MYO9A: variants seen among roughly 807,000 people sequenced by gnomAD.
MYO9A encodes unconventional myosin-IXa.
Under a neutral mutation model 293.3 loss-of-function variants are expected in MYO9A, and 103 were observed. The ratio of observed to expected loss-of-function variants is 0.35; its 90% confidence interval spans 0.30 to 0.41. The LOEUF is 0.41. MYO9A is among the 10% of genes least tolerant of loss of function. The pLI is 1.00. For missense variants in MYO9A, 2,685 were observed against 3,033.0 expected, an observed-to-expected ratio of 0.89 and a Z score of 2.69; for synonymous variants, 1,001 against 1,035.7, an observed-to-expected ratio of 0.97 and a Z score of 0.64.
chr15:71,834,717 G>C (rs990904881), intron 39 of MYO9A, among the ~76,000 whole-genome samples: 1 of 152,042 alleles, frequency 6.6e-6, no homozygotes, highest in East Asian at 1.9e-4. Flanking sequence ...AGTGAGCCAA[G>C]ATCATGCCAC....
At chr15:72,068,342 G>A (rs570173599) in intron 1 of MYO9A, among the ~76,000 whole-genome samples, 1 of 152,140 alleles carries the variant, frequency 6.6e-6, no homozygotes, top group South Asian at 2.1e-4. Flanking sequence ...ACTGTGCTGT[G>A]TGCTTTATAT....
At chr15:72,073,118 T>C (rs1026907747) in intron 1 of MYO9A, among the ~76,000 whole-genome samples, 2 of 152,224 alleles carry the variant, frequency 1.3e-5, no homozygotes, top group African/African-American at 2.4e-5. Flanking sequence ...TAGGACAGTA[T>C]GGAGATATTA....
chr15:72,047,162 C>G lies in MYO9A; in HGVS notation c.-71-528G>C, dbSNP rs8028115. 1.1e-3 allele frequency among the ~76,000 whole-genome samples: 167 copies of G among 152,008 alleles called. 6 individuals are homozygous for G. The South Asian group carries it at 0.035, about 32-fold the overall frequency. On this transcript the variant is annotated intron_variant, in intron 1 of 41. Transcript: ENST00000356056. ...AAAACCAAGAAAATGATGAGAGAAA[C>G]CAACTAAGGAGATAGACATATATTT...
chr15:71,913,921 A>G (rs981155505), intron 19 of MYO9A, among the ~76,000 whole-genome samples: 2 of 152,034 alleles, frequency 1.3e-5, no homozygotes, highest in Non-Finnish European at 2.9e-5. Context: ...GAACAGAACT[A>G]CTCCTCTAAT....
At chr15:72,110,918 G>C (rs1165624789) in intron 1 of MYO9A, among the ~76,000 whole-genome samples, 1 of 152,158 alleles carries the variant, frequency 6.6e-6, no homozygotes, top group Admixed American at 6.5e-5. Flanking sequence ...CCAGCACTTT[G>C]GGAGGCCGAA....
In MYO9A at chr15:71,951,905, GC is replaced by G; in HGVS notation, c.2183-10del. 4.0e-6 allele frequency: 6 copies of G among 1,511,846 alleles called. No individual in the cohort carries two copies. The highest frequency in any genetic ancestry group is 1.8e-4 in the Middle Eastern group (1 of 5,612). The allele number at this position is 1,511,846 out of a possible 1,614,324, so 93.7% of individuals were successfully genotyped here. ...CGCTGTATCATCATGTCCTTAGGAA[GC>G]AAAAAAAAACAAACAAAAAAAAAAG... On this transcript the variant is annotated splice_polypyrimidine_tract_variant and intron_variant, in intron 14 of 41. Coordinates refer to ENST00000356056, the MANE Select transcript of MYO9A (RefSeq NM_006901.4).
intron 32 of MYO9A, among the ~76,000 whole-genome samples, chr15:71,867,818 A>T (rs1596066986): frequency 1.3e-5 from 2 of 148,690 alleles, no homozygotes; most frequent in Admixed American, 6.7e-5. Flanking sequence ...ACACACACAC[A>T]CACACACACA....
At chr15:71,972,433 G>A (rs146094881) in intron 12 of MYO9A, 18 of 152,260 alleles carry the variant, frequency 1.2e-4, no homozygotes, top group Non-Finnish European at 2.4e-4. Context: ...TGGTTGGTCA[G>A]AAGTTCTGGA....
intron 26 of MYO9A, chr15:71,892,473 G>C (rs1300086070): frequency 1.3e-5 from 2 of 152,200 alleles, no homozygotes; most frequent in African/African-American, 4.8e-5. Flanking sequence ...ACTAAACCAC[G>C]GATCAGTAAA....
rs1427175406 is a variant in MYO9A at position 71,881,877 on chromosome 15, G to T, written c.5399-1319C>A. Among the ~76,000 whole-genome samples, 4 of 152,182 alleles carry T rather than the reference G, an allele frequency of 2.6e-5. No individual in the cohort carries two copies. The East Asian group carries it at 7.7e-4, about 29-fold the overall frequency. On this transcript the variant is annotated intron_variant, in intron 28 of 41. Transcript: ENST00000356056. ...AGAAGGATGACTGTCAACCAGACAAGATATAAGAAACTGATAACCTTAGCC... is the reference window on the plus strand; with the variant it reads ...AGAAGGATGACTGTCAACCAGACAATATATAAGAAACTGATAACCTTAGCC...
intron 26 of MYO9A, chr15:71,893,199 C>T (rs1485613482): frequency 1.6e-6 from 2 of 1,247,894 alleles, no homozygotes; most frequent in African/African-American, 1.6e-5. Context: ...AATGATAAAA[C>T]AAATAACACA....
rs564067893 is a variant in MYO9A, at chr15:71,899,941, A to G, written c.3216T>C (p.Phe1072=). 26 of 1,614,122 alleles carry G rather than the reference A, an allele frequency of 1.6e-5. No homozygotes were observed. In the African/African-American group the frequency reaches 2.8e-4, roughly 17 times the overall value. The change falls in exon 24 of 42, where the codon TTT becomes TTC. Residue 1072 remains phenylalanine, a synonymous_variant. Coordinates refer to ENST00000356056, the MANE Select transcript of MYO9A (RefSeq NM_006901.4). ...GAAGAGCAGCTGCACTAGCCATAAC[A>G]AAAGCATCCTTCTGCACAGCTGCAT... ...VRDAAVQKDA[F]VMASAAALLQ... is the part of the protein sequence containing the mutation.
chr15:72,012,233 T>C (rs1346081348), intron 6 of MYO9A, among the ~76,000 whole-genome samples: 3 of 152,218 alleles, frequency 2.0e-5, no homozygotes, highest in Admixed American at 1.3e-4. Context: ...ATTTTATTAC[T>C]ATAAAATTGC....
At chr15:72,018,928 A>G in intron 6 of MYO9A, 111 bp downstream of exon 6, 1 of 808,722 alleles carries the variant, frequency 1.2e-6, no homozygotes, top group Non-Finnish European at 2.1e-6. Flanking sequence ...CTTCCTTCCT[A>G]GGATTCTTTG....
At chr15:71,965,155 T>C (rs1166265096) in intron 13 of MYO9A, among the ~76,000 whole-genome samples, 10 of 151,838 alleles carry the variant, frequency 6.6e-5, no homozygotes, top group Admixed American at 6.6e-4. Flanking sequence ...TCATTTCTTT[T>C]TTGACTCATG....
chr15:72,086,955 G>T (rs1216359853), intron 1 of MYO9A, among the ~76,000 whole-genome samples: 3 of 152,058 alleles, frequency 2.0e-5, no homozygotes, highest in Non-Finnish European at 4.4e-5. Context: ...TAGTACAGAC[G>T]GGATTTCTTC....
chr15:72,116,301 G>A (rs1275049548), intron 1 of MYO9A, among the ~76,000 whole-genome samples: 4 of 152,182 alleles, frequency 2.6e-5, no homozygotes, highest in Admixed American at 2.6e-4. Flanking sequence ...CTGTGTGTGT[G>A]TGTATGACTA....
chr15:71,822,307 G>C lies in MYO9A; in HGVS notation c.*4273C>G, dbSNP rs971666785. 2 of 152,136 alleles carry C rather than the reference G, an allele frequency of 1.3e-5. No individual in the cohort carries two copies. Among genetic ancestry groups the C allele is most frequent in the African/African-American group, 2.4e-5 (1 of 41,404 alleles). The allele number at this position is 152,136 out of a possible 1,614,324, so 9.4% of individuals were successfully genotyped here. A position where few individuals can be genotyped will look rare whatever the true frequency, so the allele number is the denominator to read the frequency against. On this transcript the variant is annotated 3_prime_UTR_variant, in exon 42 of 42. Coordinates refer to ENST00000356056, the MANE Select transcript of MYO9A (RefSeq NM_006901.4). Reference sequence around the variant, plus strand: ...ACATATTGCTGCTTCTGGAAGCTTTGTTCTTTAATGAGCCATGGGGTGATT... The same window carrying C: ...ACATATTGCTGCTTCTGGAAGCTTTCTTCTTTAATGAGCCATGGGGTGATT...
chr15:71,888,204 G>C, intron 26 of MYO9A, 88 bp from the exon 27 acceptor site: 1 of 691,396 alleles, frequency 1.4e-6, no homozygotes, highest in South Asian at 2.1e-5. Flanking sequence ...AATTACTTGA[G>C]CTATTTAAAA....
Sources: gnomAD v4.1 joint callset for allele counts (sites outside exome capture counted in the v4.1 genomes callset) on GRCh38, gnomAD v4.1.1 for gene constraint, MANE v1.5 for transcripts, NCBI Gene and HGNC (gene_info 2026-07-23, HGNC 2026-07-21) for gene names.